AHCYL2: variants seen among roughly 807,000 people sequenced by gnomAD.
AHCYL2 encodes adenosylhomocysteinase like 2.
Under a neutral mutation model 81.4 loss-of-function variants are expected in AHCYL2, and 28 were observed. That is an observed-to-expected ratio of 0.34 (90% CI 0.25 to 0.47). AHCYL2 has a LOEUF of 0.47. Among genes scored for constraint, AHCYL2 ranks in the 20% least tolerant of loss-of-function variants. The probability of loss-of-function intolerance (pLI) is 1.00; values close to 1 mark genes in which losing one functional copy is unlikely to be tolerated. For synonymous variants in AHCYL2, 272 were observed against 290.2 expected (o/e 0.94, Z 0.64); for missense variants, 551 against 785.1 (o/e 0.70, Z 3.56).
intron 1 of AHCYL2, among the ~76,000 whole-genome samples, chr7:129,343,029 A>G (rs1000631787): frequency 6.6e-6 from 1 of 152,196 alleles, no homozygotes. Flanking sequence ...CTATGGGGAT[A>G]TAAATTCCAA....
At position 129,242,297 on chromosome 7, in the gene AHCYL2, T is replaced by C. The variant is rs915746991; in HGVS notation, c.363+16858T>C. Among the ~76,000 whole-genome samples, 17 of 152,042 alleles carry C rather than the reference T, an allele frequency of 1.1e-4. No homozygotes were observed. In the East Asian group the frequency reaches 3.1e-3, roughly 28 times the overall value. ...CTCCTGCTTTGGCTTCCTAACGTGT[T>C]GGGATTCCAGGCAGGAGCCACCAAG... On this transcript the variant is annotated intron_variant, in intron 1 of 16. Coordinates refer to ENST00000325006, the MANE Select transcript of AHCYL2 (RefSeq NM_015328.4).
intron 1 of AHCYL2, among the ~76,000 whole-genome samples, 156 bp downstream of exon 1, chr7:129,225,595 C>T (rs1794182811): frequency 1.3e-5 from 2 of 152,102 alleles, no homozygotes; most frequent in African/African-American, 4.8e-5. Context: ...AGAGATGCCC[C>T]CCAGCCGGCC....
chr7:129,294,337 C>T (rs73722930), intron 1 of AHCYL2, among the ~76,000 whole-genome samples: 1 of 152,094 alleles, frequency 6.6e-6, no homozygotes, highest in African/African-American at 2.4e-5. Flanking sequence ...ATTCTTGTCC[C>T]TTAATTTTTA....
chr7:129,288,582 A>T (rs1796723671), intron 1 of AHCYL2, among the ~76,000 whole-genome samples: 1 of 150,906 alleles, frequency 6.6e-6, no homozygotes, highest in Non-Finnish European at 1.5e-5. Flanking sequence ...CTGGTCTCGA[A>T]CTCCTGACCT....
intron 1 of AHCYL2, among the ~76,000 whole-genome samples, chr7:129,265,958 TTGAAAG>T (rs1030770483): frequency 6.6e-5 from 10 of 152,186 alleles, no homozygotes; most frequent in African/African-American, 1.9e-4. Flanking sequence ...TGATGAGTGT[TTGAAAG>T]AGAAAAGTTT....
chr7:129,408,524 A>G (rs1158641617), intron 10 of AHCYL2, among the ~76,000 whole-genome samples: 1 of 152,206 alleles, frequency 6.6e-6, no homozygotes, highest in Non-Finnish European at 1.5e-5. Flanking sequence ...AGATGAGATT[A>G]TGGGTGCAGA....
At chr7:129,422,729 A>G (rs1408472351) in intron 12 of AHCYL2, 111 bp from the exon 13 acceptor site, 1 of 822,212 alleles carries the variant, frequency 1.2e-6, no homozygotes, top group Admixed American at 2.1e-5. Flanking sequence ...TCCATCTGGC[A>G]TGTTGGTTGC....
chr7:129,388,982 A>G, intron 2 of AHCYL2, 74 bp from the exon 3 acceptor site: 1 of 1,570,510 alleles, frequency 6.4e-7, no homozygotes, highest in East Asian at 2.3e-5. Context: ...GAGAAGCTTC[A>G]GTTTGCTCCA....
intron 1 of AHCYL2, among the ~76,000 whole-genome samples, chr7:129,298,208 A>AT (rs1046800925): frequency 9.8e-5 from 15 of 152,330 alleles, no homozygotes; most frequent in Admixed American, 6.5e-4. Context: ...AAACTTATAA[A>AT]TTAGGTTCAT....
chr7:129,402,190 C>G (rs1796070477), intron 6 of AHCYL2, among the ~76,000 whole-genome samples: 1 of 152,132 alleles, frequency 6.6e-6, no homozygotes, highest in Admixed American at 6.5e-5. Flanking sequence ...CTCAGAAGAG[C>G]TTTTTGCTTT....
chr7:129,253,097 A>C (rs1450193689), intron 1 of AHCYL2, among the ~76,000 whole-genome samples: 1 of 151,776 alleles, frequency 6.6e-6, no homozygotes, highest in East Asian at 1.9e-4. Flanking sequence ...AATCCAAGCT[A>C]CTGGGGAGGC....
chr7:129,236,436 G>A (rs961405154), intron 1 of AHCYL2, among the ~76,000 whole-genome samples: 4 of 151,952 alleles, frequency 2.6e-5, no homozygotes, highest in African/African-American at 7.3e-5. Context: ...CCTGACCTCA[G>A]GTGATCCGCC....
At chr7:129,423,638 A>G (rs1277563604) in intron 13 of AHCYL2, among the ~76,000 whole-genome samples, 2 of 152,144 alleles carry the variant, frequency 1.3e-5, no homozygotes, top group Non-Finnish European at 2.9e-5. Context: ...CCAAAATATC[A>G]AGGAGGATAA....
At chr7:129,290,344 T>TA (rs966941398) in intron 1 of AHCYL2, among the ~76,000 whole-genome samples, 6 of 150,806 alleles carry the variant, frequency 4.0e-5, no homozygotes, top group African/African-American at 1.5e-4. Context: ...CTACTAAAAA[T>TA]ACAAAAATTA....
intron 12 of AHCYL2, among the ~76,000 whole-genome samples, chr7:129,415,449 G>T (rs1048625416): frequency 6.6e-6 from 1 of 152,116 alleles, no homozygotes; most frequent in Non-Finnish European, 1.5e-5. Flanking sequence ...ACTCCATGAG[G>T]CATTATTCTT....
intron 1 of AHCYL2, among the ~76,000 whole-genome samples, chr7:129,369,884 A>G (rs2150858493): frequency 6.6e-6 from 1 of 152,262 alleles, no homozygotes; most frequent in South Asian, 2.1e-4. Flanking sequence ...TTGTGGAAAG[A>G]AAACCTATCC....
rs111904245 is a variant in AHCYL2, at chr7:129,379,789, A to G, written c.475+40A>G. 3.0e-5 allele frequency: 46 copies of G among 1,523,986 alleles called. No homozygotes were observed. In the African/African-American group the frequency reaches 4.1e-4, roughly 14 times the overall value. 94.4% of individuals were successfully genotyped at this position (1,523,986 alleles called of 1,614,324 possible). A position where few individuals can be genotyped will look rare whatever the true frequency, so the allele number is the denominator to read the frequency against. ...GCTGTGGACCCAGCTGTTGAGGCTA[A>G]TAAGTACGATCTCAATGGGCCCTCC... On this transcript the variant is annotated intron_variant, in intron 2 of 16. Coordinates refer to ENST00000325006, the MANE Select transcript of AHCYL2 (RefSeq NM_015328.4).
chr7:129,340,574 A>C (rs1793143641), intron 1 of AHCYL2, among the ~76,000 whole-genome samples: 1 of 150,356 alleles, frequency 6.7e-6, no homozygotes, highest in African/African-American at 2.5e-5. Context: ...TCTCAAAAAA[A>C]AAAAAAAAAA....
intron 2 of AHCYL2, chr7:129,388,006 C>T (rs1795279385): frequency 6.6e-6 from 1 of 152,186 alleles, no homozygotes; most frequent in African/African-American, 2.4e-5. Flanking sequence ...GCTAAGAAAT[C>T]TCAGAAATGC....
Sources: allele counts gnomAD v4.1 joint callset (sites outside exome capture counted in the v4.1 genomes callset), GRCh38; gene constraint gnomAD v4.1.1; transcripts MANE v1.5; gene names NCBI Gene and HGNC (gene_info 2026-07-23, HGNC 2026-07-21).